The following CCT3 variants were observed in gnomAD, a reference collection of about 807,000 sequenced individuals.
CCT3 encodes chaperonin containing TCP1 subunit 3, also known as T-complex protein 1 subunit gamma.
A neutral mutation model predicts 65.3 loss-of-function variants in CCT3; 10 were observed. The observed-to-expected ratio is 0.15, with a 90% CI of 0.09 to 0.26. CCT3 has a LOEUF of 0.26. Among genes scored for constraint, CCT3 ranks in the 10% least tolerant of loss-of-function variants. CCT3 has a pLI of 1.00. For synonymous variants in CCT3, 225 were observed against 242.3 expected (o/e 0.93, Z 0.66); for missense variants, 626 against 708.7 (o/e 0.88, Z 1.33).
intron 6 of CCT3, among the ~76,000 whole-genome samples, chr1:156,322,796 T>C (rs994793139): frequency 3.3e-5 from 5 of 151,460 alleles, no homozygotes; most frequent in African/African-American, 1.2e-4. Flanking sequence ...GGAGCAGAGG[T>C]TGTAGTGAGC....
rs137954447 is a variant in CCT3 at position 156,312,296 on chromosome 1, G to A, written c.975-75C>T. 4.3e-6 allele frequency: 6 copies of A among 1,401,638 alleles called. No homozygotes were observed. The African/African-American group carries it at 5.7e-5, about 13-fold the overall frequency. 86.8% of individuals were successfully genotyped at this position (1,401,638 alleles called of 1,614,324 possible). On this transcript the variant is annotated intron_variant, in intron 10 of 13. Transcript: ENST00000295688. The stretch of plus-strand genomic sequence containing the variant: ...CCCATTTCCCTAGTCTCTAGGGTCT[G>A]TAGCTAGGGATAAGGGCAAAAGTGG...
chr1:156,318,855 C>T lies in CCT3; in HGVS notation c.759+13G>A, dbSNP rs766336804. The T allele has an allele frequency of 2.5e-6, 4 of 1,608,892 alleles. No individual in the cohort carries two copies. The East Asian group carries it at 8.9e-5, about 36-fold the overall frequency. On this transcript the variant is annotated intron_variant, in intron 8 of 13. Transcript: ENST00000295688. ...CTTGCATCTACTTTAAGGAACAAGG[C>T]CAAGAACCTTACCTGGCTTTCTCCT...
At chr1:156,336,531 T>A (rs1407803282) in intron 1 of CCT3, among the ~76,000 whole-genome samples, 1 of 152,148 alleles carries the variant, frequency 6.6e-6, no homozygotes, top group Non-Finnish European at 1.5e-5. Flanking sequence ...CATAATTGGA[T>A]GTAATAAGAA....
At chr1:156,317,755 C>A (rs1196182321) in intron 8 of CCT3, among the ~76,000 whole-genome samples, 2 of 151,340 alleles carry the variant, frequency 1.3e-5, no homozygotes. Context: ...GTCACCCAGG[C>A]TGGAGTGTAA....
intron 7 of CCT3, among the ~76,000 whole-genome samples, chr1:156,320,226 G>A (rs926330774): frequency 1.3e-5 from 2 of 152,016 alleles, no homozygotes; most frequent in East Asian, 1.9e-4. Context: ...CTAACATGGT[G>A]AAACCCCGTC....
chr1:156,328,227 G>C (rs1334716395), intron 5 of CCT3, among the ~76,000 whole-genome samples: 1 of 128,782 alleles, frequency 7.8e-6, no homozygotes, highest in African/African-American at 2.6e-5. Context: ...CGTCCGGGAG[G>C]GAGGTAGGGG....
intron 10 of CCT3, among the ~76,000 whole-genome samples, chr1:156,314,313 G>A (rs148169671): frequency 6.0e-4 from 91 of 152,298 alleles, no homozygotes; most frequent in African/African-American, 1.5e-3. Context: ...AATCATGAAA[G>A]AGACTGTGGA....
rs766088624 is a variant in CCT3 at position 156,325,030 on chromosome 1, C to T, written c.364G>A (p.Val122Met). The change falls in exon 6 of 14, where the codon GTG (valine) becomes ATG (methionine). Residue 122 changes from valine (V) to methionine (M), a missense_variant. Physicochemically the swap from Val to Met is conservative, Grantham distance 21. Transcript: ENST00000295688. ...AATGCCTTGCGGTAAGCACTGATCA[C>T]CACTGTTGGGTGCATCTGCTGCTCC... ...FLEQQMHPTV[V>M]ISAYRKALDD... 1 of 1,613,836 alleles carries T rather than the reference C, an allele frequency of 6.2e-7. No individual in the cohort carries two copies. Among genetic ancestry groups the T allele is most frequent in the Non-Finnish European group, 8.5e-7 (1 of 1,179,964 alleles).
At chr1:156,335,615 A>G (rs1390121428) in intron 2 of CCT3, 6 of 519,108 alleles carry the variant, frequency 1.2e-5, no homozygotes, top group Non-Finnish European at 2.1e-5. Context: ...ATAATGCACA[A>G]GTTAATACGA....
At chr1:156,328,550 A>G (rs2101664136) in intron 5 of CCT3, among the ~76,000 whole-genome samples, 1 of 151,970 alleles carries the variant, frequency 6.6e-6, no homozygotes, top group East Asian at 1.9e-4. Context: ...TTGATCTGTG[A>G]CCTTACCCCC....
At chr1:156,319,992 C>T (rs1467063296) in intron 7 of CCT3, among the ~76,000 whole-genome samples, 1 of 152,176 alleles carries the variant, frequency 6.6e-6, no homozygotes, top group Admixed American at 6.6e-5. Flanking sequence ...CCTCATAAAC[C>T]TTGTGTAGGG....
chr1:156,334,951 C>G, intron 2 of CCT3, 33 bp from the exon 3 acceptor site: 2 of 1,597,884 alleles, frequency 1.3e-6, no homozygotes. Context: ...TACGCAAGCA[C>G]AAATCAGAGG....
intron 10 of CCT3, among the ~76,000 whole-genome samples, chr1:156,313,968 G>C (rs1056247885): frequency 6.6e-6 from 1 of 151,600 alleles, no homozygotes; most frequent in Non-Finnish European, 1.5e-5. Flanking sequence ...CGCACCTGTA[G>C]TCCCAGCTAC....
At chr1:156,319,138 A>T in intron 7 of CCT3, 121 bp from the exon 8 acceptor site, 1 of 785,612 alleles carries the variant, frequency 1.3e-6, no homozygotes, top group Non-Finnish European at 1.9e-6. Flanking sequence ...TTTGAGATGG[A>T]GTCTCGCTCT....
chr1:156,336,943 G>T, intron 1 of CCT3: 2 of 400,076 alleles, frequency 5.0e-6, no homozygotes, highest in South Asian at 4.0e-5. Flanking sequence ...TTCCTTAAAA[G>T]TTATTTCCCA....
intron 4 of CCT3, among the ~76,000 whole-genome samples, chr1:156,334,352 T>C (rs1665240594): frequency 6.6e-6 from 1 of 152,154 alleles, no homozygotes; most frequent in African/African-American, 2.4e-5. Flanking sequence ...AAGGTCATTC[T>C]GAATTAGGGT....
Position 156,328,492 on chromosome 1 carries a change from T to C in CCT3, c.305-3403A>G, listed in dbSNP as rs569417386. ...TAGAGAGAAGTAGACATGGGAGACT[T>C]TTCATTTTGTTCTGTACTAAGAAAA... On this transcript the variant is annotated intron_variant, in intron 5 of 13. Coordinates refer to ENST00000295688, the MANE Select transcript of CCT3 (RefSeq NM_005998.5). 5.3e-5 allele frequency among the ~76,000 whole-genome samples: 8 copies of C among 152,090 alleles called. 1 individual carries two copies. Among genetic ancestry groups the C allele is most frequent in the African/African-American group, 1.9e-4 (8 of 41,530 alleles).
At chr1:156,328,496 A>G (rs973154557) in intron 5 of CCT3, among the ~76,000 whole-genome samples, 2 of 152,048 alleles carry the variant, frequency 1.3e-5, no homozygotes, top group Non-Finnish European at 2.9e-5. Flanking sequence ...GAGACTTTTC[A>G]TTTTGTTCTG....
intron 8 of CCT3, 93 bp from the exon 9 acceptor site, chr1:156,317,640 G>A (rs1003006324): frequency 4.6e-5 from 53 of 1,152,446 alleles, no homozygotes; most frequent in East Asian, 1.2e-4. Context: ...CCTCTCCCAC[G>A]TATCTCAGAG....
Sources: gnomAD v4.1 joint callset for allele counts (sites outside exome capture counted in the v4.1 genomes callset) on GRCh38, gnomAD v4.1.1 for gene constraint, MANE v1.5 for transcripts, NCBI Gene and HGNC (gene_info 2026-07-23, HGNC 2026-07-21) for gene names.